Variants in C1orf94 observed in about 807,000 individuals in gnomAD.
C1orf94 encodes the protein chromosome 1 open reading frame 94, also known as uncharacterized protein C1orf94.
In C1orf94, 45 loss-of-function variants were observed where a neutral mutation model predicts 53.6. The ratio of observed to expected loss-of-function variants is 0.84; its 90% confidence interval spans 0.66 to 1.08. The LOEUF is 1.08. C1orf94 is among the 50% of genes least tolerant of loss of function. C1orf94 has a pLI of 0.00. For synonymous variants in C1orf94, 304 were observed against 296.1 expected (o/e 1.03, Z -0.27); for missense variants, 762 against 738.9 (o/e 1.03, Z -0.36).
chr1:34,199,092 T>C (rs1446489100), intron 2 of C1orf94, among the ~76,000 whole-genome samples: 1 of 152,066 alleles, frequency 6.6e-6, no homozygotes, highest in Non-Finnish European at 1.5e-5. Flanking sequence ...GTGTATTTGT[T>C]AGAGAAAATG....
chr1:34,178,341 G>A (rs778361395), intron 1 of C1orf94, among the ~76,000 whole-genome samples: 4 of 152,230 alleles, frequency 2.6e-5, no homozygotes, highest in African/African-American at 4.8e-5. Flanking sequence ...TCACCAGCCC[G>A]TTAAGCAGAC....
At chr1:34,199,084 G>A (rs1411258740) in intron 2 of C1orf94, among the ~76,000 whole-genome samples, 3 of 146,604 alleles carry the variant, frequency 2.0e-5, no homozygotes, top group East Asian at 4.4e-4. Flanking sequence ...AGGTTTTAGT[G>A]TATTTGTTAG....
Position 34,177,447 on chromosome 1 carries a change from TG to T in C1orf94, c.-339del, listed in dbSNP as rs544647140. Among the ~76,000 whole-genome samples, 1,028 of 152,276 alleles carry T rather than the reference TG, an allele frequency of 6.8e-3. 10 individuals carry two copies. Among genetic ancestry groups the T allele is most frequent in the Non-Finnish European group, 0.01 (711 of 67,996 alleles). ...CGCAAGGGGGCAGTGCCAGGGACTG[TG>T]GGGAGAGCCAGCCCTCCCCTTCCAG... On this transcript the variant is annotated 5_prime_UTR_variant, in exon 1 of 7. Transcript: ENST00000488417.
chr1:34,175,084 C>A (rs991261543), upstream of C1orf94, among the ~76,000 whole-genome samples: 1 of 152,068 alleles, frequency 6.6e-6, no homozygotes, highest in Non-Finnish European at 1.5e-5. Context: ...TAGCTTTATA[C>A]TATTTCTAAG....
At chr1:34,196,282 A>G (rs1350095018) in intron 1 of C1orf94, among the ~76,000 whole-genome samples, 1 of 152,156 alleles carries the variant, frequency 6.6e-6, no homozygotes, top group African/African-American at 2.4e-5. Context: ...ATCAGGTGCT[A>G]TCAGACAGGT....
intron 1 of C1orf94, among the ~76,000 whole-genome samples, chr1:34,188,217 G>A (rs1158239998): frequency 1.3e-5 from 2 of 152,162 alleles, no homozygotes; most frequent in East Asian, 3.9e-4. Flanking sequence ...ACTTTGGAAG[G>A]GGGTCAAAGA....
intron 6 of C1orf94, among the ~76,000 whole-genome samples, chr1:34,213,494 T>C (rs1395152395): frequency 2.6e-5 from 4 of 152,186 alleles, no homozygotes; most frequent in Admixed American, 1.3e-4. Flanking sequence ...AGGTGGTCGA[T>C]AGTATTATTT....
intron 1 of C1orf94, among the ~76,000 whole-genome samples, chr1:34,171,081 CT>C (rs1642139300): frequency 6.6e-6 from 1 of 152,232 alleles, no homozygotes; most frequent in African/African-American, 2.4e-5. Flanking sequence ...CTTCCCCGGA[CT>C]TTCCCCTATG....
chr1:34,217,833 T>C (rs1192818528), intron 6 of C1orf94, among the ~76,000 whole-genome samples: 3 of 152,210 alleles, frequency 2.0e-5, no homozygotes, highest in Non-Finnish European at 4.4e-5. Flanking sequence ...TGAAAAGTGA[T>C]TGAGAATCCC....
At chr1:34,184,967 C>T (rs911010386) in intron 1 of C1orf94, among the ~76,000 whole-genome samples, 32 of 152,080 alleles carry the variant, frequency 2.1e-4, no homozygotes, top group Non-Finnish European at 4.3e-4. Context: ...GGAGTCTAAT[C>T]TCAACTAGTG....
chr1:34,217,279 G>T (rs1643004878), intron 6 of C1orf94, among the ~76,000 whole-genome samples: 3 of 152,120 alleles, frequency 2.0e-5, no homozygotes, highest in African/African-American at 7.2e-5. Context: ...GATCATGCCG[G>T]TGGCCGTTGA....
At chr1:34,183,440 G>A (rs895860233) in intron 1 of C1orf94, among the ~76,000 whole-genome samples, 4 of 152,162 alleles carry the variant, frequency 2.6e-5, no homozygotes, top group African/African-American at 4.8e-5. Flanking sequence ...AATTGCCTTC[G>A]CAGTACCAGG....
At chr1:34,193,482 GC>G (rs1343288989) in intron 1 of C1orf94, among the ~76,000 whole-genome samples, 3 of 152,288 alleles carry the variant, frequency 2.0e-5, no homozygotes, top group East Asian at 1.9e-4. Context: ...ATTCCTGAGT[GC>G]ATTCAGATTG....
intron 3 of C1orf94, 27 bp from the exon 4 acceptor site, chr1:34,202,057 C>A: frequency 6.2e-7 from 1 of 1,605,904 alleles, no homozygotes; most frequent in Non-Finnish European, 8.5e-7. Context: ...CATCACTGAC[C>A]CGCTTTGCCT....
Position 34,202,088 on chromosome 1 carries a change from C to T in C1orf94, c.1275C>T (p.Asn425=), listed in dbSNP as rs61741817. The T allele has an allele frequency of 3.3e-5, 54 of 1,612,852 alleles. No individual in the cohort carries two copies. Among genetic ancestry groups the T allele is most frequent in the Middle Eastern group, 3.3e-4 (2 of 6,078 alleles). ...TGCCTCTCCTGTGACTTGCAGTTAA[C>T]GCACCTGTGACGGTTGCTGACAAGA... ...VEVDGPELKF[N]APVTVADKNN... Residue 425 remains asparagine, a synonymous_variant, in exon 4 of 7, where the codon AAC becomes AAT. Transcript: ENST00000488417.
chr1:34,212,156 T>A, intron 5 of C1orf94, 54 bp from the exon 6 acceptor site: 1 of 1,517,168 alleles, frequency 6.6e-7, no homozygotes, highest in Non-Finnish European at 8.9e-7. Context: ...TGGCTGGGGT[T>A]AGAGTTGGGC....
At position 34,193,145 on chromosome 1, in the gene C1orf94, C is replaced by T. The variant is rs560066741; in HGVS notation, c.321-4080C>T. 4.6e-5 allele frequency among the ~76,000 whole-genome samples: 7 copies of T among 152,092 alleles called. No individual in the cohort carries two copies. The South Asian group carries it at 1.0e-3, about 23-fold the overall frequency. On this transcript the variant is annotated intron_variant, in intron 1 of 6. Transcript: ENST00000488417. ...GGACTTTTAACTATATGGCGAATCT[C>T]GATGGCAGCGAAGTGTTTGATAAAG...
At chr1:34,199,590 C>G (rs1238153568) in intron 2 of C1orf94, among the ~76,000 whole-genome samples, 1 of 152,206 alleles carries the variant, frequency 6.6e-6, no homozygotes, top group East Asian at 1.9e-4. Flanking sequence ...GGCACAGGTC[C>G]TTTCTGGCTG....
intron 2 of C1orf94, among the ~76,000 whole-genome samples, chr1:34,198,637 C>T (rs1642643351): frequency 6.6e-6 from 1 of 152,240 alleles, no homozygotes; most frequent in Non-Finnish European, 1.5e-5. Context: ...AGTGATCATA[C>T]TCATGTTAGC....
Sources: allele counts gnomAD v4.1 joint callset (sites outside exome capture counted in the v4.1 genomes callset), GRCh38; gene constraint gnomAD v4.1.1; transcripts MANE v1.5; gene names NCBI Gene and HGNC (gene_info 2026-07-23, HGNC 2026-07-21).